The following ABCC1 variants were observed in gnomAD, a reference collection of about 807,000 sequenced individuals.
The protein encoded by ABCC1 is ATP binding cassette subfamily C member 1 (ABCC1 blood group), also known as multidrug resistance-associated protein 1.
In ABCC1, 83 loss-of-function variants were observed where a neutral mutation model predicts 172.9. The ratio of observed to expected loss-of-function variants is 0.48; its 90% confidence interval spans 0.40 to 0.58. ABCC1 has a LOEUF of 0.58. Among genes scored for constraint, ABCC1 ranks in the 20% least tolerant of loss-of-function variants. The pLI is 0.00. For missense variants in ABCC1, 1,817 were observed against 2,002.7 expected (o/e 0.91, Z 1.77); for synonymous variants, 937 against 825.2 (o/e 1.14, Z -2.32).
At chr16:15,968,069 A>G (rs2046286811) in intron 1 of ABCC1, among the ~76,000 whole-genome samples, 1 of 152,142 alleles carries the variant, frequency 6.6e-6, no homozygotes, top group African/African-American at 2.4e-5. Flanking sequence ...GTCTTGCTCC[A>G]TTGCCCAGTC....
intron 1 of ABCC1, among the ~76,000 whole-genome samples, chr16:15,964,241 C>T (rs575693718): frequency 1.1e-4 from 16 of 152,112 alleles, no homozygotes; most frequent in African/African-American, 3.9e-4. Context: ...CTGCGCCCGG[C>T]CAATTTCCAC....
rs377634982 is a variant in ABCC1 at position 16,044,510 on chromosome 16, G to A, written c.870G>A (p.Lys290=). ...KDPAQPKESS[K]VDANEEVEAL... is the part of the protein sequence containing the mutation. ...CTGCCCAGCCGAAAGAGAGTTCCAA[G>A]GTGGATGCGAATGAGGAGGTGGAGG... Residue 290 remains lysine, a synonymous_variant, in exon 8 of 31, where the codon AAG becomes AAA. Transcript: ENST00000399410. The A allele has an allele frequency of 1.9e-6, 3 of 1,614,194 alleles. No homozygotes were observed. The highest frequency in any genetic ancestry group is 2.5e-6 in the Non-Finnish European group (3 of 1,180,024).
chr16:16,102,555 GT>G, intron 19 of ABCC1, 71 bp from the exon 20 acceptor site: 1 of 1,457,850 alleles, frequency 6.9e-7, no homozygotes, highest in Non-Finnish European at 9.4e-7. Flanking sequence ...GAAGTGGCCG[GT>G]TTTTGTTGCC....
At chr16:16,104,279 C>A (rs1182563672) in intron 20 of ABCC1, among the ~76,000 whole-genome samples, 1 of 152,198 alleles carries the variant, frequency 6.6e-6, no homozygotes, top group Non-Finnish European at 1.5e-5. Context: ...TCTGGCCCTA[C>A]CCACATCCTG....
chr16:16,050,921 CTAAA>C (rs551448310), intron 10 of ABCC1, among the ~76,000 whole-genome samples: 109 of 151,834 alleles, frequency 7.2e-4, no homozygotes, highest in African/African-American at 2.5e-3. Context: ...AAAAAAAAAT[CTAAA>C]TAAAGTGTCT....
chr16:16,071,571 A>C (rs2050349183), intron 13 of ABCC1, 71 bp from the exon 14 acceptor site: 1 of 1,329,418 alleles, frequency 7.5e-7, no homozygotes, highest in Admixed American at 1.9e-5. Flanking sequence ...AACCCTTGAA[A>C]GTTAACCTTG....
chr16:15,982,999 A>G (rs1028059842), intron 1 of ABCC1, among the ~76,000 whole-genome samples: 1 of 152,106 alleles, frequency 6.6e-6, no homozygotes, highest in African/African-American at 2.4e-5. Flanking sequence ...ATCAAATGTC[A>G]TATAATGTAT....
At chr16:16,063,603 T>A (rs2049999634) in intron 12 of ABCC1, among the ~76,000 whole-genome samples, 1 of 152,122 alleles carries the variant, frequency 6.6e-6, no homozygotes, top group Non-Finnish European at 1.5e-5. Flanking sequence ...AGAGGGGGAT[T>A]TTTGAGTCAC....
At chr16:16,059,984 A>G (rs143880259) in intron 12 of ABCC1, among the ~76,000 whole-genome samples, 7 of 152,184 alleles carry the variant, frequency 4.6e-5, no homozygotes, top group African/African-American at 1.4e-4. Flanking sequence ...GCAACAGAAC[A>G]AGACTCTGTC....
At chr16:16,099,471 A>G (rs1192404667) in intron 19 of ABCC1, among the ~76,000 whole-genome samples, 1 of 152,172 alleles carries the variant, frequency 6.6e-6, no homozygotes, top group Admixed American at 6.5e-5. Context: ...TTTTTTTGTA[A>G]GCAGCAGAAG....
chr16:16,118,387 C>T lies in ABCC1; in HGVS notation c.3390+3311C>T, dbSNP rs2044992184. Reference sequence around the variant, plus strand: ...GAATCAGAGAGAGTAGGTCCAGTTCCTGGAGTCTCGTTATATCCTCTTGAA... The same window carrying T: ...GAATCAGAGAGAGTAGGTCCAGTTCTTGGAGTCTCGTTATATCCTCTTGAA... On this transcript the variant is annotated intron_variant, in intron 23 of 30. Transcript: ENST00000399410. Among the ~76,000 whole-genome samples, 4 of 149,340 alleles carry T rather than the reference C, an allele frequency of 2.7e-5. No individual in the cohort carries two copies. The South Asian group carries it at 8.5e-4, about 32-fold the overall frequency.
intron 1 of ABCC1, among the ~76,000 whole-genome samples, chr16:16,005,786 T>C (rs2151711869): frequency 6.6e-6 from 1 of 152,214 alleles, no homozygotes; most frequent in South Asian, 2.1e-4. Flanking sequence ...GGTAAAACCT[T>C]GTCTTTACTA....
intron 19 of ABCC1, among the ~76,000 whole-genome samples, chr16:16,093,948 A>G (rs985053876): frequency 1.5e-5 from 2 of 130,132 alleles, no homozygotes; most frequent in South Asian, 2.6e-4. Flanking sequence ...TCTAAGAAAT[A>G]TATCTTTTTT....
Position 16,140,375 on chromosome 16 carries a change from G to T in ABCC1, c.4488-798G>T, listed in dbSNP as rs140630810. Among the ~76,000 whole-genome samples the T allele has an allele frequency of 8.7e-3, 1,329 of 152,244 alleles. 8 individuals carry two copies. The highest frequency in any genetic ancestry group is 0.034 in the South Asian group (166 of 4,816). On this transcript the variant is annotated intron_variant, in intron 30 of 30. Coordinates refer to ENST00000399410, the MANE Select transcript of ABCC1 (RefSeq NM_004996.4). ...TTATTTTATATATTTTTGAGACAGGGTCTCACCCTGTCGCCCAGGCTGGAG... is the reference window on the plus strand; with the variant it reads ...TTATTTTATATATTTTTGAGACAGGTTCTCACCCTGTCGCCCAGGCTGGAG...
At position 16,076,368 on chromosome 16, in the gene ABCC1, C is replaced by G; in HGVS notation, c.1955C>G (p.Thr652Ser). The G allele has an allele frequency of 1.2e-6, 2 of 1,612,154 alleles. No individual in the cohort carries two copies. The highest frequency in any genetic ancestry group is 1.7e-6 in the Non-Finnish European group (2 of 1,179,152). ...ATCACCGTGAGGAATGCCACATTCA[C>G]CTGGGCCAGGAGCGACCCTCCCACA... The part of the protein sequence containing the change: ...NSITVRNATF[T>S]WARSDPPTLN... Residue 652 changes from threonine (T) to serine (S), a missense_variant, in exon 15 of 31, where the codon ACC (threonine) becomes AGC (serine). Physicochemically the swap from Thr to Ser is moderately conservative, Grantham distance 58. Coordinates refer to ENST00000399410, the MANE Select transcript of ABCC1 (RefSeq NM_004996.4).
At chr16:16,070,259 A>G (rs577765049) in intron 13 of ABCC1, among the ~76,000 whole-genome samples, 3 of 151,792 alleles carry the variant, frequency 2.0e-5, no homozygotes, top group East Asian at 2.0e-4. Context: ...CAGTGACTAC[A>G]TGGGAGGCTG....
intron 30 of ABCC1, among the ~76,000 whole-genome samples, 189 bp from the exon 31 acceptor site, chr16:16,140,984 C>T (rs570176439): frequency 5.3e-5 from 8 of 152,306 alleles, no homozygotes; most frequent in African/African-American, 1.7e-4. Context: ...GAGCTGGCCT[C>T]ATGGGAATCT....
intron 4 of ABCC1, 62 bp from the exon 5 acceptor site, chr16:16,016,434 G>T (rs942396718): frequency 1.2e-6 from 2 of 1,601,394 alleles, no homozygotes; most frequent in African/African-American, 2.7e-5. Flanking sequence ...GATTACAGGC[G>T]TGAGCCACCA....
intron 23 of ABCC1, among the ~76,000 whole-genome samples, chr16:16,119,854 G>C (rs2045073974): frequency 6.6e-6 from 1 of 152,168 alleles, no homozygotes. Context: ...AGAGAGGAAG[G>C]AGATGTGGTC....
Sources: allele counts gnomAD v4.1 joint callset (sites outside exome capture counted in the v4.1 genomes callset), GRCh38; gene constraint gnomAD v4.1.1; transcripts MANE v1.5; gene names NCBI Gene and HGNC (gene_info 2026-07-23, HGNC 2026-07-21).